LSAMP: variants seen among roughly 807,000 people sequenced by gnomAD.
The protein encoded by LSAMP is limbic system-associated membrane protein.
Under a neutral mutation model 38.6 loss-of-function variants are expected in LSAMP, and 7 were observed. The ratio of observed to expected loss-of-function variants is 0.18; its 90% confidence interval spans 0.10 to 0.34. The LOEUF is 0.34. Ranked by LOEUF, LSAMP falls within the 10% of genes least tolerant of loss-of-function variation. LSAMP has a pLI of 1.00. For synonymous variants in LSAMP, 154 were observed against 166.8 expected, an observed-to-expected ratio of 0.92 and a Z score of 0.59; for missense variants, 313 against 420.0, an observed-to-expected ratio of 0.75 and a Z score of 2.23.
At chr3:116,034,000 T>C (rs886273434) in intron 2 of LSAMP, among the ~76,000 whole-genome samples, 1 of 152,084 alleles carries the variant, frequency 6.6e-6, no homozygotes, top group African/African-American at 2.4e-5. Context: ...CTATAGAGAC[T>C]ACATTTGAGT....
At chr3:116,288,669 G>GTATC (rs977619687) in intron 1 of LSAMP, among the ~76,000 whole-genome samples, 4 of 152,118 alleles carry the variant, frequency 2.6e-5, no homozygotes, top group African/African-American at 7.2e-5. Flanking sequence ...CAAACATGCG[G>GTATC]TATCTACATT....
chr3:116,128,614 G>A (rs190524067), intron 1 of LSAMP, among the ~76,000 whole-genome samples: 8 of 152,312 alleles, frequency 5.3e-5, no homozygotes, highest in Admixed American at 3.3e-4. Flanking sequence ...CCACTCACTT[G>A]TATTGCACAT....
chr3:116,210,370 C>T (rs1282394622), intron 1 of LSAMP, among the ~76,000 whole-genome samples: 1 of 152,198 alleles, frequency 6.6e-6, no homozygotes, highest in Non-Finnish European at 1.5e-5. Context: ...TTGAATAAAG[C>T]AGTCAGGAGA....
intron 1 of LSAMP, among the ~76,000 whole-genome samples, chr3:116,317,991 C>T (rs999536253): frequency 2.0e-5 from 3 of 151,488 alleles, no homozygotes; most frequent in African/African-American, 7.3e-5. Context: ...GAAAAATTAG[C>T]CAGGCGTGGT....
chr3:115,932,122 A>T (rs1250998939), intron 3 of LSAMP, among the ~76,000 whole-genome samples: 2 of 152,240 alleles, frequency 1.3e-5, no homozygotes, highest in East Asian at 3.8e-4. Flanking sequence ...CTTTGATAAC[A>T]TTAAGGTTAG....
chr3:116,016,783 T>C lies in LSAMP; in HGVS notation c.514+2732A>G, dbSNP rs1463098905. On this transcript the variant is annotated intron_variant, in intron 3 of 6. Coordinates refer to ENST00000490035, the MANE Select transcript of LSAMP (RefSeq NM_002338.5). Reference sequence around the variant, plus strand: ...TTGTATATATATAGATACAGATATATTTTTGCATGTCAAAGAAATAAAATT... The same window carrying C: ...TTGTATATATATAGATACAGATATACTTTTGCATGTCAAAGAAATAAAATT... Among the ~76,000 whole-genome samples, 4 of 152,310 alleles carry C rather than the reference T, an allele frequency of 2.6e-5. No individual in the cohort carries two copies. In the South Asian group the frequency reaches 6.2e-4, roughly 24 times the overall value.
chr3:116,328,730 G>C (rs1266505167), intron 1 of LSAMP, among the ~76,000 whole-genome samples: 3 of 152,252 alleles, frequency 2.0e-5, no homozygotes, highest in African/African-American at 4.8e-5. Context: ...AAATGAGAGA[G>C]AGAGGATGCT....
At chr3:116,267,690 C>T (rs1024470491) in intron 1 of LSAMP, among the ~76,000 whole-genome samples, 12 of 151,510 alleles carry the variant, frequency 7.9e-5, no homozygotes, top group South Asian at 2.1e-4. Context: ...TCTGTTCTGA[C>T]GCCATCCTCT....
chr3:116,007,709 C>T (rs1363957462), intron 3 of LSAMP, among the ~76,000 whole-genome samples: 1 of 152,034 alleles, frequency 6.6e-6, no homozygotes, highest in Non-Finnish European at 1.5e-5. Context: ...CTGTTGATTT[C>T]TTATTATTGC....
At chr3:115,972,261 A>G (rs1238027768) in intron 3 of LSAMP, among the ~76,000 whole-genome samples, 3 of 152,152 alleles carry the variant, frequency 2.0e-5, no homozygotes, top group East Asian at 1.9e-4. Context: ...TAGCAACTAA[A>G]TCATATGAAA....
At chr3:115,853,079 G>A (rs970637334) in intron 3 of LSAMP, among the ~76,000 whole-genome samples, 1 of 152,210 alleles carries the variant, frequency 6.6e-6, no homozygotes, top group Admixed American at 6.5e-5. Context: ...ATCATAAAGT[G>A]CTCTGAGGGG....
At chr3:116,188,184 T>C (rs1173344547) in intron 1 of LSAMP, among the ~76,000 whole-genome samples, 9 of 152,138 alleles carry the variant, frequency 5.9e-5, no homozygotes, top group Non-Finnish European at 1.3e-4. Context: ...GACCACTTGT[T>C]AGTGGGAGTT....
Position 116,041,076 on chromosome 3 carries a change from G to A in LSAMP, c.389-21436C>T, listed in dbSNP as rs556716531. Among the ~76,000 whole-genome samples, 9 of 152,080 alleles carry A rather than the reference G, an allele frequency of 5.9e-5. No individual in the cohort carries two copies. The South Asian group carries it at 1.5e-3, about 25-fold the overall frequency. ...GTAGCTGGGACCATAGGTGTGAGCC[G>A]CCACACCTGGATAAGTTTTAAACTT... On this transcript the variant is annotated intron_variant, in intron 2 of 6. Transcript: ENST00000490035.
chr3:116,201,605 C>T (rs1270314234), intron 1 of LSAMP, among the ~76,000 whole-genome samples: 1 of 152,126 alleles, frequency 6.6e-6, no homozygotes, highest in Non-Finnish European at 1.5e-5. Context: ...CAGATCCAGA[C>T]ACCCTGCATT....
intron 1 of LSAMP, among the ~76,000 whole-genome samples, chr3:116,236,754 C>G (rs1220391367): frequency 6.6e-6 from 1 of 151,978 alleles, no homozygotes; most frequent in East Asian, 1.9e-4. Flanking sequence ...GTTTAAAGTT[C>G]TTTACCTCAA....
intron 1 of LSAMP, among the ~76,000 whole-genome samples, chr3:116,273,290 C>T (rs2046998356): frequency 6.6e-6 from 1 of 152,036 alleles, no homozygotes; most frequent in African/African-American, 2.4e-5. Flanking sequence ...CCCTGTGTAA[C>T]GTCTGACCAG....
intron 1 of LSAMP, among the ~76,000 whole-genome samples, chr3:116,402,119 TC>T (rs761610530): frequency 1.3e-4 from 20 of 152,316 alleles, no homozygotes; most frequent in Non-Finnish European, 2.9e-4. Flanking sequence ...GTGACTCACA[TC>T]TCAAACTGTG....
intron 1 of LSAMP, among the ~76,000 whole-genome samples, chr3:116,174,548 C>T (rs1334716703): frequency 6.6e-6 from 1 of 151,948 alleles, no homozygotes; most frequent in Non-Finnish European, 1.5e-5. Context: ...CGCTAAAAAG[C>T]ACCCAAAGAA....
intron 1 of LSAMP, among the ~76,000 whole-genome samples, chr3:116,300,499 G>A (rs2047391760): frequency 6.6e-6 from 1 of 152,166 alleles, no homozygotes. Flanking sequence ...TGCCCTGTTA[G>A]GAACCCAGCT....
Sources: gnomAD v4.1 joint callset for allele counts (sites outside exome capture counted in the v4.1 genomes callset) on GRCh38, gnomAD v4.1.1 for gene constraint, MANE v1.5 for transcripts, NCBI Gene and HGNC (gene_info 2026-07-23, HGNC 2026-07-21) for gene names.